Variants in HDAC11 observed in about 807,000 individuals in gnomAD.
HDAC11 encodes histone deacetylase 11.
In HDAC11, 23 loss-of-function variants were observed where a neutral mutation model predicts 41.1. That is an observed-to-expected ratio of 0.56 (90% CI 0.40 to 0.79). The LOEUF is 0.79. Among genes scored for constraint, HDAC11 ranks in the 30% least tolerant of loss-of-function variants. The probability of loss-of-function intolerance (pLI) is 0.00; values close to 1 mark genes in which losing one functional copy is unlikely to be tolerated. For missense variants in HDAC11, 402 were observed against 477.3 expected (o/e 0.84, Z 1.47); for synonymous variants, 187 against 186.6 (o/e 1.00, Z -0.02).
At chr3:13,491,068 TTGTGTG>T (rs58333021) in intron 3 of HDAC11, among the ~76,000 whole-genome samples, 17,823 of 140,228 alleles carry the variant, frequency 0.13, 1,138 homozygotes, top group Middle Eastern at 0.15. Flanking sequence ...GCTTTAATAG[TTGTGTG>T]TGTGTGTGTG....
At chr3:13,497,854 C>CTTTTTTTTTTTTT (rs10667297) in intron 4 of HDAC11, among the ~76,000 whole-genome samples, 3 of 106,080 alleles carry the variant, frequency 2.8e-5, no homozygotes, top group African/African-American at 3.7e-5. Flanking sequence ...TCTTTTTTTG[C>CTTTTTTTTTTTTT]TTTTTTTTTT....
At chr3:13,501,513 G>A (rs373251702) in intron 6 of HDAC11, 46 of 445,070 alleles carry the variant, frequency 1.0e-4, no homozygotes, top group Admixed American at 1.7e-4. Flanking sequence ...CAGAGGTTGG[G>A]GACTGAAGTC....
intron 3 of HDAC11, among the ~76,000 whole-genome samples, chr3:13,491,265 T>C (rs141454317): frequency 1.6e-3 from 241 of 152,204 alleles, no homozygotes; most frequent in Non-Finnish European, 2.9e-3. Flanking sequence ...GGAGCAGGCA[T>C]CTTTGTCTTG....
In HDAC11 at chr3:13,502,080, G is replaced by A; in HGVS notation, c.552+147G>A. On this transcript the variant is annotated intron_variant, in intron 7 of 9. Transcript: ENST00000295757. The surrounding 1 kb of genome is among the most constrained non-coding windows in gnomAD (Gnocchi z 4.1). The stretch of plus-strand genomic sequence containing the variant: ...CTCTCGGGCTACAAATGCAGGGTCT[G>A]TCTTTGTCACTCTGTCCAGGACAGC... 1 of 672,328 alleles carries A rather than the reference G, an allele frequency of 1.5e-6. No homozygotes were observed. The highest frequency in any genetic ancestry group is 2.7e-5 in the East Asian group (1 of 37,390). 41.6% of individuals were successfully genotyped at this position (672,328 alleles called of 1,614,324 possible). A position where few individuals can be genotyped will look rare whatever the true frequency, so the allele number is the denominator to read the frequency against.
At chr3:13,499,023 G>C (rs188984637) in intron 5 of HDAC11, among the ~76,000 whole-genome samples, 1 of 151,616 alleles carries the variant, frequency 6.6e-6, no homozygotes, top group East Asian at 1.9e-4. Context: ...CCTTCTCAAG[G>C]GTCCAGAGGG....
At chr3:13,486,267 CAAAAAAAA>C (rs76727800) in intron 3 of HDAC11, among the ~76,000 whole-genome samples, 10 of 65,206 alleles carry the variant, frequency 1.5e-4, no homozygotes, top group South Asian at 6.5e-4. Context: ...AACTCCATCT[CAAAAAAAA>C]AAAAAAAAAA....
In HDAC11 at chr3:13,481,323, C is replaced by G. The variant is rs752031999; in HGVS notation, c.80C>G (p.Thr27Ser). 7 of 1,613,922 alleles carry G rather than the reference C, an allele frequency of 4.3e-6. No homozygotes were observed. The highest frequency in any genetic ancestry group is 5.9e-6 in the Non-Finnish European group (7 of 1,180,028). The change falls in exon 2 of 10, where the codon ACC becomes AGC. Residue 27 changes from threonine to serine, a missense_variant. Coordinates refer to ENST00000295757, the MANE Select transcript of HDAC11 (RefSeq NM_024827.4). Reference sequence around the variant, plus strand: ...GTGTACTCGCCGCGCTACAACATCACCTTCATGGGCCTGGAGAAGCTGCAT... The same window carrying G: ...GTGTACTCGCCGCGCTACAACATCAGCTTCATGGGCCTGGAGAAGCTGCAT... Reference protein sequence around the residue: ...PIVYSPRYNITFMGLEKLHPF... With the variant: ...PIVYSPRYNISFMGLEKLHPF...
chr3:13,496,889 C>T, intron 4 of HDAC11, 37 bp downstream of exon 4: 6 of 1,226,280 alleles, frequency 4.9e-6, no homozygotes, highest in Non-Finnish European at 6.9e-6. Context: ...GGCTGGGGGC[C>T]CCCACACCCC....
intron 2 of HDAC11, among the ~76,000 whole-genome samples, 176 bp downstream of exon 2, chr3:13,481,570 T>C (rs985322095): frequency 6.6e-6 from 1 of 152,056 alleles, no homozygotes; most frequent in Non-Finnish European, 1.5e-5. Flanking sequence ...CTAATCACGA[T>C]ATGATGTCCC....
In HDAC11 at chr3:13,480,421, C is replaced by G; in HGVS notation, c.2+72C>G. The G allele has an allele frequency of 2.5e-5, 18 of 727,946 alleles. No homozygotes were observed. The highest frequency in any genetic ancestry group is 3.1e-5 in the Non-Finnish European group (17 of 542,320). The allele number at this position is 727,946 out of a possible 1,614,324, so 45.1% of individuals were successfully genotyped here. A position where few individuals can be genotyped will look rare whatever the true frequency, so the allele number is the denominator to read the frequency against. On this transcript the variant is annotated intron_variant, in intron 1 of 9. Coordinates refer to ENST00000295757, the MANE Select transcript of HDAC11 (RefSeq NM_024827.4). The surrounding 1 kb of genome is among the most constrained non-coding windows in gnomAD (Gnocchi z 4.6). ...GTGGGCGGGCGCGCTAGGGCGAGGG[C>G]GGGGACGGCCGGGCGGGCGCGCCAG...
At chr3:13,481,540 G>A (rs1701321668) in intron 2 of HDAC11, 146 bp downstream of exon 2, 1 of 885,458 alleles carries the variant, frequency 1.1e-6, no homozygotes. Flanking sequence ...CGCCCAAAAT[G>A]ATTTTTCCAA....
At chr3:13,489,615 G>A (rs924185197) in intron 3 of HDAC11, among the ~76,000 whole-genome samples, 1 of 152,210 alleles carries the variant, frequency 6.6e-6, no homozygotes, top group African/African-American at 2.4e-5. Flanking sequence ...AGCCCAGGCT[G>A]GAGTACGGTG....
chr3:13,493,289 G>C (rs1701947793), intron 3 of HDAC11, among the ~76,000 whole-genome samples: 1 of 151,990 alleles, frequency 6.6e-6, no homozygotes, highest in African/African-American at 2.4e-5. Context: ...TGACCACATA[G>C]AGCCTGCTCT....
At position 13,481,274 on chromosome 3, in the gene HDAC11, G is replaced by A; in HGVS notation, c.31G>A (p.Val11Met). The change falls in exon 2 of 10, where the codon GTG (valine) becomes ATG (methionine). Residue 11 changes from valine (V) to methionine (M), a missense_variant. Physicochemically the swap from Val to Met is conservative, Grantham distance 21. Coordinates refer to ENST00000295757, the MANE Select transcript of HDAC11 (RefSeq NM_024827.4). ...ACACACAACCCAGCTGTACCAGCATGTGCCAGAGACACGCTGGCCAATCGT... is the reference window on the plus strand; with the variant it reads ...ACACACAACCCAGCTGTACCAGCATATGCCAGAGACACGCTGGCCAATCGT... MLHTTQLYQH[V>M]PETRWPIVYS... 1 of 1,612,548 alleles carries A rather than the reference G, an allele frequency of 6.2e-7. No homozygotes were observed. Among genetic ancestry groups the A allele is most frequent in the South Asian group, 1.1e-5 (1 of 91,018 alleles).
chr3:13,497,834 C>T (rs1218425594), intron 4 of HDAC11, among the ~76,000 whole-genome samples: 1 of 145,840 alleles, frequency 6.9e-6, no homozygotes, highest in Non-Finnish European at 1.5e-5. Flanking sequence ...AGTATTTAGT[C>T]TACTATATTT....
rs9817736 is a variant in HDAC11 at position 13,503,265 on chromosome 3, A to G, written c.649+285A>G. On this transcript the variant is annotated intron_variant, in intron 8 of 9. Transcript: ENST00000295757. The stretch of plus-strand genomic sequence containing the variant: ...TAGGATAAATTTGAAAATACGAAAT[A>G]AGAAATAAATTCACATAGGCTGGGC... The G allele has an allele frequency of 7.2e-3, 1,988 of 277,492 alleles. 33 individuals are homozygous for G. The highest frequency in any genetic ancestry group is 0.029 in the African/African-American group (1,332 of 45,484). The allele number at this position is 277,492 out of a possible 1,614,324, so 17.2% of individuals were successfully genotyped here.
intron 3 of HDAC11, among the ~76,000 whole-genome samples, chr3:13,491,618 A>G (rs531072089): frequency 1.3e-5 from 2 of 152,286 alleles, no homozygotes; most frequent in Admixed American, 6.5e-5. Context: ...TGAGGAAACC[A>G]GGTGTCTGGA....
In HDAC11 at chr3:13,480,563, C is replaced by T. The variant is rs1311408960; in HGVS notation, c.2+214C>T. ...TGCTCGGTGGCCCGAGGGACGCGCG[C>T]CGGCCGCGGGCCTGGGCCCGGACCC... On this transcript the variant is annotated intron_variant, in intron 1 of 9. Transcript: ENST00000295757. This position sits in a 1 kb window ranked among gnomAD's most constrained non-coding sequence, Gnocchi z 4.6. The T allele has an allele frequency of 1.3e-5, 4 of 307,614 alleles. No individual in the cohort carries two copies. Among genetic ancestry groups the T allele is most frequent in the Non-Finnish European group, 2.5e-5 (4 of 160,748 alleles). 19.1% of individuals were successfully genotyped at this position (307,614 alleles called of 1,614,324 possible).
intron 2 of HDAC11, among the ~76,000 whole-genome samples, chr3:13,482,575 G>A (rs1553609680): frequency 6.6e-6 from 1 of 152,202 alleles, no homozygotes; most frequent in Non-Finnish European, 1.5e-5. Flanking sequence ...TTGAGGCCGG[G>A]AGTTTGAGAC....
Sources: allele counts gnomAD v4.1 joint callset (sites outside exome capture counted in the v4.1 genomes callset), GRCh38; gene constraint gnomAD v4.1.1; non-coding constraint Gnocchi (gnomAD v3.1); transcripts MANE v1.5; gene names NCBI Gene and HGNC (gene_info 2026-07-23, HGNC 2026-07-21).